RAB30: variants seen among roughly 807,000 people sequenced by gnomAD.
The protein encoded by RAB30 is ras-related protein Rab-30.
Under a neutral mutation model 25.1 loss-of-function variants are expected in RAB30, and 9 were observed. The observed-to-expected ratio is 0.36, with a 90% CI of 0.22 to 0.63. RAB30 has a LOEUF of 0.63. Ranked by LOEUF, RAB30 falls within the 20% of genes least tolerant of loss-of-function variation. The pLI is 0.69. For synonymous variants in RAB30, 77 were observed against 86.4 expected (o/e 0.89, Z 0.60); for missense variants, 140 against 243.5 (o/e 0.58, Z 2.83).
chr11:83,048,608 G>A (rs928393763), intron 1 of RAB30, among the ~76,000 whole-genome samples: 2 of 152,292 alleles, frequency 1.3e-5, no homozygotes, highest in East Asian at 1.9e-4. Context: ...AGAGGAGGTA[G>A]GCAAACATTG....
chr11:83,065,481 GA>G (rs1205560829), intron 1 of RAB30, among the ~76,000 whole-genome samples: 1 of 151,996 alleles, frequency 6.6e-6, no homozygotes, highest in Non-Finnish European at 1.5e-5. Flanking sequence ...GGGTGGTCTT[GA>G]ACTCCTGGGC....
chr11:82,987,959 T>C (rs1202448804), intron 3 of RAB30, among the ~76,000 whole-genome samples, 189 bp from the exon 4 acceptor site: 1 of 80,534 alleles, frequency 1.2e-5, no homozygotes, highest in Non-Finnish European at 2.6e-5. Context: ...AAAAAAAAAA[T>C]CTGTTGGGTG....
intron 2 of RAB30, 75 bp from the exon 3 acceptor site, chr11:82,994,197 A>C (rs1305304095): frequency 7.9e-7 from 1 of 1,267,238 alleles, no homozygotes; most frequent in Non-Finnish European, 1.1e-6. Flanking sequence ...CTCCCCCAGC[A>C]ACACCCATCA....
chr11:83,000,888 A>G (rs1009180159), intron 1 of RAB30, among the ~76,000 whole-genome samples: 6 of 146,388 alleles, frequency 4.1e-5, no homozygotes, highest in Non-Finnish European at 9.0e-5. Flanking sequence ...AAAAAAAAAA[A>G]TACAAAAAAT....
Position 82,982,185 on chromosome 11 carries a change from T to G in RAB30, c.592A>C (p.Thr198Pro). Residue 198 changes from threonine to proline, a missense_variant, in exon 5 of 5, where the codon ACT becomes CCT. Thr to Pro is a conservative substitution (Grantham distance 38). Transcript: ENST00000527633. ...PGEGKSISYL[T>P]CCNFN is the part of the protein sequence containing the mutation. The stretch of plus-strand genomic sequence containing the variant: ...AGCCTTTAGTTGAAATTACAACAAG[T>G]CAAATAGCTGATGCTTTTCCCTTCT... 3 of 1,614,218 alleles carry G rather than the reference T, an allele frequency of 1.9e-6. No individual in the cohort carries two copies. Among genetic ancestry groups the G allele is most frequent in the Non-Finnish European group, 2.5e-6 (3 of 1,180,042 alleles).
chr11:82,983,308 T>C (rs1281584581), intron 4 of RAB30, among the ~76,000 whole-genome samples: 1 of 152,224 alleles, frequency 6.6e-6, no homozygotes, highest in Non-Finnish European at 1.5e-5. Context: ...AACTTAAAAA[T>C]GCTTTATATA....
chr11:83,010,017 T>C (rs193004200), intron 1 of RAB30, among the ~76,000 whole-genome samples: 2 of 152,320 alleles, frequency 1.3e-5, no homozygotes, highest in Admixed American at 1.3e-4. Flanking sequence ...TCCTCCTGCC[T>C]TGGACTTTCA....
At chr11:82,984,568 A>G (rs1432842442) in intron 4 of RAB30, among the ~76,000 whole-genome samples, 1 of 152,170 alleles carries the variant, frequency 6.6e-6, no homozygotes, top group Non-Finnish European at 1.5e-5. Flanking sequence ...GGTCTACGGT[A>G]GTCTTGTGAG....
chr11:83,052,789 T>G (rs1346501447), intron 1 of RAB30, among the ~76,000 whole-genome samples: 1 of 152,268 alleles, frequency 6.6e-6, no homozygotes. Context: ...TTTTCCTTTG[T>G]TGGGGAGGGA....
intron 1 of RAB30, among the ~76,000 whole-genome samples, chr11:83,065,944 C>A (rs1223312135): frequency 6.6e-6 from 1 of 152,156 alleles, no homozygotes; most frequent in Non-Finnish European, 1.5e-5. Flanking sequence ...TATACGTATA[C>A]AATTTAACAT....
At chr11:82,982,757 G>A (rs539392318) in intron 4 of RAB30, among the ~76,000 whole-genome samples, 1 of 152,280 alleles carries the variant, frequency 6.6e-6, no homozygotes, top group Non-Finnish European at 1.5e-5. Context: ...AGCTACTTGG[G>A]AGGCTGAGGC....
intron 1 of RAB30, among the ~76,000 whole-genome samples, chr11:83,054,504 A>G (rs566929943): frequency 2.6e-5 from 4 of 152,322 alleles, no homozygotes; most frequent in African/African-American, 9.6e-5. Flanking sequence ...ACAGACAAGA[A>G]AGCTGAGCCT....
At chr11:83,037,133 G>A (rs1486889352) in intron 1 of RAB30, among the ~76,000 whole-genome samples, 1 of 152,138 alleles carries the variant, frequency 6.6e-6, no homozygotes, top group African/African-American at 2.4e-5. Flanking sequence ...TGGTAGGGGA[G>A]AGGATTTTAT....
chr11:83,026,046 C>A (rs1015745575), intron 1 of RAB30, among the ~76,000 whole-genome samples: 1 of 151,978 alleles, frequency 6.6e-6, no homozygotes, highest in African/African-American at 2.4e-5. Flanking sequence ...AAAAAATTAG[C>A]CAGATGTGGT....
chr11:82,995,253 T>G (rs1856935151), intron 2 of RAB30, among the ~76,000 whole-genome samples: 1 of 152,200 alleles, frequency 6.6e-6, no homozygotes, highest in Non-Finnish European at 1.5e-5. Flanking sequence ...CTTAAAAGAC[T>G]GAACTTCAAA....
At position 83,053,510 on chromosome 11, in the gene RAB30, T is replaced by G. The variant is rs760751096; in HGVS notation, c.-9+18181A>C. On this transcript the variant is annotated intron_variant, in intron 1 of 4. Coordinates refer to ENST00000527633, the MANE Select transcript of RAB30 (RefSeq NM_001286060.2). ...TATATTACCCAGTGTCTTGGCAATT[T>G]CACTTGCTTTTTTGAAGCATAACCA... 1.2e-3 allele frequency among the ~76,000 whole-genome samples: 190 copies of G among 152,154 alleles called. 5 individuals carry two copies. Among genetic ancestry groups the G allele is most frequent in the Non-Finnish European group, 3.2e-4 (22 of 68,024 alleles).
chr11:83,022,850 T>C lies in RAB30; in HGVS notation c.-8-25526A>G, dbSNP rs1857612460. On this transcript the variant is annotated intron_variant, in intron 1 of 4. Coordinates refer to ENST00000527633, the MANE Select transcript of RAB30 (RefSeq NM_001286060.2). ...GTTTTTTGTTTTAGATACAATTTTATGTTGTATCAAATGTCTTTATTCTTA... is the reference window on the plus strand; with the variant it reads ...GTTTTTTGTTTTAGATACAATTTTACGTTGTATCAAATGTCTTTATTCTTA... Among the ~76,000 whole-genome samples, 4 of 152,198 alleles carry C rather than the reference T, an allele frequency of 2.6e-5. 1 individual carries two copies. In the South Asian group the frequency reaches 8.3e-4, roughly 31 times the overall value.
chr11:83,064,341 C>T lies in RAB30; in HGVS notation c.-9+7350G>A, dbSNP rs543583533. Among the ~76,000 whole-genome samples the T allele has an allele frequency of 1.2e-4, 18 of 152,292 alleles. 1 individual carries two copies. The East Asian group carries it at 3.5e-3, about 29-fold the overall frequency. ...CAGGCTGGTCTCAAAGTCCTGGACT[C>T]AAGCAATTCACCTGTCTCAGCCTCC... On this transcript the variant is annotated intron_variant, in intron 1 of 4. Coordinates refer to ENST00000527633, the MANE Select transcript of RAB30 (RefSeq NM_001286060.2).
Position 82,973,813 on chromosome 11 carries a change from G to A in RAB30, c.*8352C>T, listed in dbSNP as rs1440488192. ...CCATACAAAAAACTTTTACATAAAT[G>A]TTCACAGCAGCATTATTATAATCAA... On this transcript the variant is annotated 3_prime_UTR_variant, in exon 5 of 5. Transcript: ENST00000527633. The A allele has an allele frequency of 6.6e-6, 1 of 152,080 alleles. No homozygotes were observed. The highest frequency in any genetic ancestry group is 1.5e-5 in the Non-Finnish European group (1 of 68,008). 9.4% of individuals were successfully genotyped at this position (152,080 alleles called of 1,614,324 possible).
Sources: allele counts gnomAD v4.1 joint callset (sites outside exome capture counted in the v4.1 genomes callset), GRCh38; gene constraint gnomAD v4.1.1; transcripts MANE v1.5; gene names NCBI Gene and HGNC (gene_info 2026-07-23, HGNC 2026-07-21).